NCKAP5: variants seen among roughly 807,000 people sequenced by gnomAD.
The protein encoded by NCKAP5 is NCK associated protein 5.
Under a neutral mutation model 167.0 loss-of-function variants are expected in NCKAP5, and 92 were observed. That is an observed-to-expected ratio of 0.55 (90% CI 0.47 to 0.66). The LOEUF is 0.66. NCKAP5 is among the 30% of genes least tolerant of loss of function. The pLI, the probability that NCKAP5 is intolerant of heterozygous loss-of-function variation, is 0.00. For synonymous variants in NCKAP5, 891 were observed against 877.4 expected, an observed-to-expected ratio of 1.02 and a Z score of -0.27; for missense variants, 2,378 against 2,315.0, an observed-to-expected ratio of 1.03 and a Z score of -0.56.
intron 5 of NCKAP5, among the ~76,000 whole-genome samples, chr2:133,130,449 T>A (rs745675400): frequency 6.6e-6 from 1 of 152,240 alleles, no homozygotes; most frequent in Non-Finnish European, 1.5e-5. Flanking sequence ...ATAAGTCAGA[T>A]AATAATTAGT....
intron 8 of NCKAP5, among the ~76,000 whole-genome samples, chr2:132,889,829 C>A (rs1692546127): frequency 6.6e-6 from 1 of 151,848 alleles, no homozygotes; most frequent in East Asian, 1.9e-4. Context: ...TTGGGTTCAA[C>A]AATGGCAAAA....
intron 4 of NCKAP5, among the ~76,000 whole-genome samples, chr2:133,283,403 CATTCTATAG>C (rs978724707): frequency 1.2e-4 from 18 of 152,226 alleles, no homozygotes; most frequent in Admixed American, 2.6e-4. Context: ...GTATTTCTAT[CATTCTATAG>C]ATTCTATAGA....
chr2:133,373,754 C>A (rs1685958581), intron 3 of NCKAP5, among the ~76,000 whole-genome samples: 1 of 152,144 alleles, frequency 6.6e-6, no homozygotes, highest in Admixed American at 6.6e-5. Flanking sequence ...ACAGAAACAG[C>A]ACAGAAACAG....
At chr2:133,553,210 G>C (rs1687496506) in intron 2 of NCKAP5, among the ~76,000 whole-genome samples, 1 of 152,244 alleles carries the variant, frequency 6.6e-6, no homozygotes, top group African/African-American at 2.4e-5. Flanking sequence ...GTCCAGACTA[G>C]AGGTGGACTA....
intron 13 of NCKAP5, among the ~76,000 whole-genome samples, 195 bp downstream of exon 13, chr2:132,789,828 T>A (rs368639337): frequency 1.7e-3 from 252 of 152,294 alleles, no homozygotes; most frequent in African/African-American, 5.4e-3. Flanking sequence ...CTCACCACGC[T>A]GCCCTCCAAT....
chr2:133,581,361 G>C, the NCKAP5 span, among the ~76,000 whole-genome samples: 1 of 152,060 alleles, frequency 6.6e-6, no homozygotes, highest in Non-Finnish European at 1.5e-5. Context: ...TTCCTATGGA[G>C]AGTGAAGAAC....
chr2:133,538,130 A>G (rs1031615633), intron 2 of NCKAP5, among the ~76,000 whole-genome samples: 4 of 152,194 alleles, frequency 2.6e-5, no homozygotes, highest in Non-Finnish European at 4.4e-5. Flanking sequence ...GCCACATTTT[A>G]ATTTTACTTT....
intron 19 of NCKAP5, among the ~76,000 whole-genome samples, chr2:132,722,362 C>T (rs1558969750): frequency 1.3e-5 from 2 of 152,312 alleles, no homozygotes; most frequent in East Asian, 3.9e-4. Context: ...GATTGCTTGC[C>T]ACTTTTTAGT....
chr2:133,418,172 G>A (rs180861196), intron 3 of NCKAP5, among the ~76,000 whole-genome samples: 1 of 152,320 alleles, frequency 6.6e-6, no homozygotes, highest in Non-Finnish European at 1.5e-5. Flanking sequence ...TGCTACACAG[G>A]ACTTCTTTGA....
chr2:133,078,841 G>A (rs1197144362), intron 6 of NCKAP5, among the ~76,000 whole-genome samples: 1 of 152,076 alleles, frequency 6.6e-6, no homozygotes, highest in African/African-American at 2.4e-5. Context: ...CTTGGTGTGG[G>A]CCAGTCAGTA....
chr2:133,417,101 T>A (rs994679513), intron 3 of NCKAP5, among the ~76,000 whole-genome samples: 15 of 149,980 alleles, frequency 1.0e-4, no homozygotes, highest in Non-Finnish European at 1.9e-4. Flanking sequence ...AATATCTTTC[T>A]TTTTTGCCCT....
At position 133,516,516 on chromosome 2, in the gene NCKAP5, A is replaced by T. The variant is rs191309795; in HGVS notation, c.69+942T>A. 5.3e-5 allele frequency among the ~76,000 whole-genome samples: 8 copies of T among 152,344 alleles called. No individual in the cohort carries two copies. In the East Asian group the frequency reaches 1.5e-3, roughly 29 times the overall value. ...TCCTCTTCTCAAGTCCCAGAAACTC[A>T]CATCTATGAATAATTTGTGAGGCAG... On this transcript the variant is annotated intron_variant, in intron 3 of 19. Transcript: ENST00000409261.
At chr2:133,407,871 G>A (rs975926724) in intron 3 of NCKAP5, among the ~76,000 whole-genome samples, 1 of 152,158 alleles carries the variant, frequency 6.6e-6, no homozygotes, top group African/African-American at 2.4e-5. Flanking sequence ...GAAGGAGGTC[G>A]ATAAAGGGGA....
intron 4 of NCKAP5, among the ~76,000 whole-genome samples, chr2:133,294,220 T>A (rs987554467): frequency 1.3e-5 from 2 of 152,210 alleles, no homozygotes; most frequent in Non-Finnish European, 2.9e-5. Flanking sequence ...GCAGAGCAAT[T>A]TTACTTGTTG....
At chr2:133,401,724 A>G (rs1399094288) in intron 3 of NCKAP5, among the ~76,000 whole-genome samples, 11 of 152,202 alleles carry the variant, frequency 7.2e-5, no homozygotes, top group Admixed American at 7.2e-4. Context: ...AATTAAAAAA[A>G]GGATATTGGG....
At chr2:133,203,022 C>G (rs1224137421) in intron 5 of NCKAP5, among the ~76,000 whole-genome samples, 1 of 152,148 alleles carries the variant, frequency 6.6e-6, no homozygotes, top group African/African-American at 2.4e-5. Flanking sequence ...CCATTTGACC[C>G]AGCCATCCCA....
At chr2:133,513,259 T>TA (rs1330672353) in intron 3 of NCKAP5, among the ~76,000 whole-genome samples, 4 of 152,324 alleles carry the variant, frequency 2.6e-5, no homozygotes, top group Admixed American at 2.0e-4. Flanking sequence ...GTTCTAACTA[T>TA]AGCTGGAGTT....
At chr2:132,706,862 A>G (rs7603184) in intron 19 of NCKAP5, among the ~76,000 whole-genome samples, 19,330 of 152,102 alleles carry the variant, frequency 0.13, 3,920 homozygotes, top group African/African-American at 0.43. Flanking sequence ...GGAAAAACAA[A>G]AGGAATGAAA....
At chr2:133,485,907 A>G (rs1680864748) in intron 3 of NCKAP5, among the ~76,000 whole-genome samples, 1 of 152,200 alleles carries the variant, frequency 6.6e-6, no homozygotes, top group East Asian at 1.9e-4. Flanking sequence ...ACATGCAACA[A>G]CACTATGAGG....
Sources: gnomAD v4.1 joint callset for allele counts (sites outside exome capture counted in the v4.1 genomes callset) on GRCh38, gnomAD v4.1.1 for gene constraint, MANE v1.5 for transcripts, NCBI Gene and HGNC (gene_info 2026-07-23, HGNC 2026-07-21) for gene names.